The following PSMD3 variants were observed in gnomAD, a reference collection of about 807,000 sequenced individuals.
PSMD3 encodes the protein 26S proteasome non-ATPase regulatory subunit 3.
A neutral mutation model predicts 62.8 loss-of-function variants in PSMD3; 5 were observed. That is an observed-to-expected ratio of 0.08 (90% CI 0.04 to 0.17). PSMD3 has a LOEUF of 0.17. PSMD3 is among the 10% of genes least tolerant of loss of function. PSMD3 has a pLI of 1.00. For synonymous variants in PSMD3, 265 were observed against 283.9 expected (o/e 0.93, Z 0.67); for missense variants, 524 against 713.6 (o/e 0.73, Z 3.03).
rs770865343 is a variant in PSMD3 at position 39,989,845 on chromosome 17, G to A, written c.793G>A (p.Asp265Asn). 2.2e-5 allele frequency: 36 copies of A among 1,614,042 alleles called. No homozygotes were observed. The highest frequency in any genetic ancestry group is 2.9e-5 in the Non-Finnish European group (34 of 1,180,042). Residue 265 changes from aspartate (D) to asparagine (N), a missense_variant, in exon 5 of 12, where the codon GAC becomes AAC. This residue lies in a region of PSMD3 where 396 missense variants were observed against 475.8 expected (regional missense o/e 0.83). Transcript: ENST00000264639. ...GAATTACCTACACTACAGCTTGTAC[G>A]ACCAGGCTGAGAAGCTGGTGTCCAA... ...LRNYLHYSLY[D>N]QAEKLVSKSV...
Position 39,996,770 on chromosome 17 carries a change from G to A in PSMD3, c.1476+432G>A, listed in dbSNP as rs1222835243. ...AAGTCTAAATTGTAAAAAAGATGGC[G>A]CTGGTATCTAGCTCCACAAAAGGGT... is the stretch of plus-strand genomic sequence containing the variant. On this transcript the variant is annotated intron_variant, in intron 10 of 11. Transcript: ENST00000264639. The surrounding 1 kb of genome is among the most constrained non-coding windows in gnomAD (Gnocchi z 5.1). The A allele has an allele frequency of 1.1e-5, 5 of 465,924 alleles. No homozygotes were observed. Among genetic ancestry groups the A allele is most frequent in the African/African-American group, 4.0e-5 (2 of 50,492 alleles). 28.9% of individuals were successfully genotyped at this position (465,924 alleles called of 1,614,324 possible). A position where few individuals can be genotyped will look rare whatever the true frequency, so the allele number is the denominator to read the frequency against.
intron 11 of PSMD3, 35 bp downstream of exon 11, chr17:39,997,415 T>G (rs772136358): frequency 6.2e-7 from 1 of 1,613,164 alleles, no homozygotes; most frequent in Non-Finnish European, 8.5e-7. Context: ...GACCGAAAGG[T>G]CAAACTTCCA....
At chr17:39,984,222 AGAAC>A in intron 1 of PSMD3, 68 bp from the exon 2 acceptor site, 1 of 887,844 alleles carries the variant, frequency 1.1e-6, no homozygotes, top group Non-Finnish European at 1.6e-6. Flanking sequence ...AAAAAAAAAA[AGAAC>A]TCCTTGCCTG....
chr17:39,986,945 A>T (rs1980540342), intron 3 of PSMD3, among the ~76,000 whole-genome samples: 1 of 152,100 alleles, frequency 6.6e-6, no homozygotes, highest in African/African-American at 2.4e-5. Flanking sequence ...TCTGTGGGGG[A>T]TACCAGCGTA....
chr17:39,995,562 G>T lies in PSMD3; in HGVS notation c.1320+35G>T. 6.4e-7 allele frequency: 1 copy of T among 1,571,994 alleles called. No individual in the cohort carries two copies. ...GTTCAGGAACCACAGTGACCAGGTT[G>T]TCACTTTCCTGCCAATCTCAGGAGG... On this transcript the variant is annotated intron_variant, in intron 9 of 11. Transcript: ENST00000264639. This position sits in a 1 kb window ranked among gnomAD's most constrained non-coding sequence, Gnocchi z 4.1.
At position 39,996,578 on chromosome 17, in the gene PSMD3, C is replaced by A. The variant is rs1463415357; in HGVS notation, c.1476+240C>A. ...GATGTGGTCACCAGGGAGGACCAGG[C>A]AGGGATTCAGAGGGCGGGGTTCTAC... On this transcript the variant is annotated intron_variant, in intron 10 of 11. Transcript: ENST00000264639. This position sits in a 1 kb window ranked among gnomAD's most constrained non-coding sequence, Gnocchi z 5.1. The A allele has an allele frequency of 8.8e-6, 6 of 678,464 alleles. No homozygotes were observed. The East Asian group carries it at 1.8e-4, about 20-fold the overall frequency. 42.0% of individuals were successfully genotyped at this position (678,464 alleles called of 1,614,324 possible).
intron 1 of PSMD3, 113 bp downstream of exon 1, chr17:39,981,303 T>C: frequency 1.1e-5 from 16 of 1,492,108 alleles, no homozygotes; most frequent in Non-Finnish European, 1.4e-5. Context: ...TTCTTTGGGA[T>C]CACCCCCAGA....
rs1268758650 is a variant in PSMD3, at chr17:39,990,096, C to T, written c.880C>T (p.Arg294Ter). 1 of 1,613,754 alleles carries T rather than the reference C, an allele frequency of 6.2e-7. No homozygotes were observed. The highest frequency in any genetic ancestry group is 1.3e-5 in the African/African-American group (1 of 74,876). Reference protein sequence around the residue: ...EWARYLYYTGRIKAIQLEYSE... With the variant: ...EWARYLYYTG Reference sequence around the variant, plus strand: ...ACTCTCCTCTCCTCCACTCCCAGGGCGAATCAAAGCCATCCAGCTGGAGTA... The same window carrying T: ...ACTCTCCTCTCCTCCACTCCCAGGGTGAATCAAAGCCATCCAGCTGGAGTA... The change falls in exon 6 of 12, where the codon CGA becomes TGA. Residue 294 changes from arginine to a stop codon, truncating the protein, a stop_gained and splice_region_variant. Coordinates refer to ENST00000264639, the MANE Select transcript of PSMD3 (RefSeq NM_002809.4). LOFTEE classifies it high-confidence loss of function.
Position 39,996,557 on chromosome 17 carries a change from T to C in PSMD3, c.1476+219T>C, listed in dbSNP as rs1468782672. The C allele has an allele frequency of 1.6e-5, 11 of 705,632 alleles. No individual in the cohort carries two copies. The highest frequency in any genetic ancestry group is 2.8e-5 in the Non-Finnish European group (11 of 397,424). 43.7% of individuals were successfully genotyped at this position (705,632 alleles called of 1,614,324 possible). On this transcript the variant is annotated intron_variant, in intron 10 of 11. Transcript: ENST00000264639. This position sits in a 1 kb window ranked among gnomAD's most constrained non-coding sequence, Gnocchi z 5.1. ...CTCCTATTGCGTTTAAGGGATGATG[T>C]GGTCACCAGGGAGGACCAGGCAGGG...
chr17:39,981,324 C>T (rs1031046500), intron 1 of PSMD3, 134 bp downstream of exon 1: 15 of 1,415,352 alleles, frequency 1.1e-5, no homozygotes, highest in East Asian at 2.6e-5. Context: ...TACCTGCTCC[C>T]ACTGCCCCGA....
chr17:39,990,326 G>A, intron 6 of PSMD3, 129 bp downstream of exon 6: 1 of 782,480 alleles, frequency 1.3e-6, no homozygotes, highest in Non-Finnish European at 2.0e-6. Context: ...GCTTCCCAAA[G>A]TGCTGGGATC....
chr17:39,995,000 C>T lies in PSMD3; in HGVS notation c.1028C>T (p.Pro343Leu). ...GTGGAGCTGTTGCTGGGGGAGATCC[C>T]TGACCGGCTGCAGTTCCGCCAGCCC... Reference protein sequence around the residue: ...IVVELLLGEIPDRLQFRQPSL... With the variant: ...IVVELLLGEILDRLQFRQPSL... Residue 343 changes from proline to leucine, a missense_variant, in exon 7 of 12, where the codon CCT becomes CTT. Pro to Leu is a moderately conservative substitution (Grantham distance 98). Transcript: ENST00000264639. The T allele has an allele frequency of 6.2e-7, 1 of 1,614,212 alleles. No homozygotes were observed. The highest frequency in any genetic ancestry group is 1.3e-5 in the African/African-American group (1 of 75,058).
chr17:39,990,904 T>C (rs1229066142), intron 6 of PSMD3, among the ~76,000 whole-genome samples: 1 of 152,184 alleles, frequency 6.6e-6, no homozygotes, highest in Non-Finnish European at 1.5e-5. Context: ...TCAGCAAGTA[T>C]TTAAGCATCA....
rs1242872288 is a variant in PSMD3 at position 39,994,998 on chromosome 17, C to A, written c.1026C>A (p.Ile342=). The A allele has an allele frequency of 6.2e-7, 1 of 1,614,048 alleles. No individual in the cohort carries two copies. The highest frequency in any genetic ancestry group is 8.5e-7 in the Non-Finnish European group (1 of 1,180,038). The change falls in exon 7 of 12, where the codon ATC becomes ATA. Residue 342 remains isoleucine, a synonymous_variant. Transcript: ENST00000264639. ...LIVVELLLGE[I]PDRLQFRQPS... ...TGGTGGAGCTGTTGCTGGGGGAGATCCCTGACCGGCTGCAGTTCCGCCAGC... is the reference window on the plus strand; with the variant it reads ...TGGTGGAGCTGTTGCTGGGGGAGATACCTGACCGGCTGCAGTTCCGCCAGC...
At chr17:39,982,586 T>C (rs529451076) in intron 1 of PSMD3, among the ~76,000 whole-genome samples, 1 of 152,380 alleles carries the variant, frequency 6.6e-6, no homozygotes, top group Admixed American at 6.5e-5. Flanking sequence ...GTACAAGTTC[T>C]GGAATTAGTT....
chr17:39,984,033 A>G (rs556610016), intron 1 of PSMD3, among the ~76,000 whole-genome samples: 2 of 152,172 alleles, frequency 1.3e-5, no homozygotes, highest in East Asian at 3.9e-4. Context: ...CCCCGTCTCT[A>G]CTAAAAATAC....
rs976568765 is a variant in PSMD3 at position 39,996,412 on chromosome 17, A to T, written c.1476+74A>T. ...CCCTCCACACTCATGGATTCCTCAGAGAAGACTGGCTTAATTTGTGGCCCA... is the reference window on the plus strand; with the variant it reads ...CCCTCCACACTCATGGATTCCTCAGTGAAGACTGGCTTAATTTGTGGCCCA... On this transcript the variant is annotated intron_variant, in intron 10 of 11. Transcript: ENST00000264639. The surrounding 1 kb of genome is among the most constrained non-coding windows in gnomAD (Gnocchi z 5.1). 1 of 1,542,814 alleles carries T rather than the reference A, an allele frequency of 6.5e-7. No homozygotes were observed. The highest frequency in any genetic ancestry group is 1.4e-5 in the African/African-American group (1 of 72,870).
Position 39,986,571 on chromosome 17 carries a change from C to T in PSMD3, c.412-4C>T, listed in dbSNP as rs1980528983. On this transcript the variant is annotated splice_region_variant and splice_polypyrimidine_tract_variant and intron_variant, in intron 2 of 11. Coordinates refer to ENST00000264639, the MANE Select transcript of PSMD3 (RefSeq NM_002809.4). The stretch of plus-strand genomic sequence containing the variant: ...TTTCCATGGTAACTTCTGTCCTCTC[C>T]TAGCCCATGGACACAGAGGCTGATT... 1 of 1,614,170 alleles carries T rather than the reference C, an allele frequency of 6.2e-7. No homozygotes were observed. The highest frequency in any genetic ancestry group is 1.3e-5 in the African/African-American group (1 of 75,044).
rs746504314 is a variant in PSMD3, at chr17:39,995,116, G to GCAAATA, written c.1096+48_1096+49insCAAATA. On this transcript the variant is annotated intron_variant, in intron 7 of 11. Coordinates refer to ENST00000264639, the MANE Select transcript of PSMD3 (RefSeq NM_002809.4). The surrounding 1 kb of genome is among the most constrained non-coding windows in gnomAD (Gnocchi z 4.1). ...AGAGCCCACTAGGCCCCCTTCAGTG[G>GCAAATA]GGCCTCTTACATGCCTGTGCCTATT... 6.2e-7 allele frequency: 1 copy of GCAAATA among 1,613,828 alleles called. No individual in the cohort carries two copies.
Sources: allele counts gnomAD v4.1 joint callset (sites outside exome capture counted in the v4.1 genomes callset), GRCh38; gene constraint gnomAD v4.1.1; regional missense constraint gnomAD v4.1.1; non-coding constraint Gnocchi (gnomAD v3.1); transcripts MANE v1.5; gene names NCBI Gene and HGNC (gene_info 2026-07-23, HGNC 2026-07-21).